Variants in VPS54 observed in about 807,000 individuals in gnomAD.
The protein encoded by VPS54 is VPS54 subunit of GARP complex.
In VPS54, 45 loss-of-function variants were observed where a neutral mutation model predicts 121.5. The observed-to-expected ratio is 0.37, with a 90% CI of 0.29 to 0.47. The LOEUF (loss-of-function observed/expected upper bound fraction) is 0.47, where lower values mean the gene tolerates loss of function less well. VPS54 is among the 20% of genes least tolerant of loss of function. The pLI is 0.99. For synonymous variants in VPS54, 371 were observed against 385.8 expected (o/e 0.96, Z 0.45); for missense variants, 1,090 against 1,131.4 (o/e 0.96, Z 0.52).
At chr2:64,001,628 C>G (rs1677885550) in intron 1 of VPS54, among the ~76,000 whole-genome samples, 1 of 152,086 alleles carries the variant, frequency 6.6e-6, no homozygotes, top group Non-Finnish European at 1.5e-5. Context: ...GCAACAGGTT[C>G]CCTTCTAGCC....
intron 16 of VPS54, among the ~76,000 whole-genome samples, chr2:63,915,335 G>A (rs1024893707): frequency 5.9e-5 from 9 of 152,066 alleles, no homozygotes; most frequent in South Asian, 2.1e-4. Flanking sequence ...TAAGATCTAC[G>A]TAAAATAAGG....
chr2:63,923,150 C>A (rs565603716), intron 12 of VPS54, among the ~76,000 whole-genome samples: 1 of 151,630 alleles, frequency 6.6e-6, no homozygotes, highest in Non-Finnish European at 1.5e-5. Flanking sequence ...CCCGTCTCTA[C>A]TAAAAACGCA....
chr2:64,017,066 GGGCGGT>G (rs202233045), intron 1 of VPS54, among the ~76,000 whole-genome samples: 66 of 148,996 alleles, frequency 4.4e-4, no homozygotes, highest in South Asian at 1.7e-3. Flanking sequence ...GCCGGGGCCG[GGGCGGT>G]GGCTCACACC....
chr2:63,894,636 G>A (rs1003626913), intron 22 of VPS54, among the ~76,000 whole-genome samples: 4 of 151,664 alleles, frequency 2.6e-5, no homozygotes, highest in Admixed American at 2.6e-4. Flanking sequence ...CACGGAGGTT[G>A]AGGCTGCAGT....
chr2:63,923,837 A>C (rs1380973060), intron 12 of VPS54, among the ~76,000 whole-genome samples: 1 of 152,246 alleles, frequency 6.6e-6, no homozygotes, highest in East Asian at 1.9e-4. Context: ...CAAAGTTAGA[A>C]CGTCAGACGT....
intron 1 of VPS54, among the ~76,000 whole-genome samples, chr2:63,990,199 C>T (rs1677249465): frequency 1.3e-5 from 2 of 152,162 alleles, no homozygotes; most frequent in African/African-American, 4.8e-5. Context: ...CCTCTCCCTT[C>T]AGCTACTCCT....
chr2:63,970,689 C>T (rs1292115220), intron 4 of VPS54, among the ~76,000 whole-genome samples: 2 of 152,170 alleles, frequency 1.3e-5, no homozygotes, highest in Non-Finnish European at 2.9e-5. Flanking sequence ...CTAGCTTTAA[C>T]TTTTAAGGTG....
intron 7 of VPS54, among the ~76,000 whole-genome samples, chr2:63,951,970 T>A (rs1022723951): frequency 1.3e-5 from 2 of 152,182 alleles, no homozygotes; most frequent in African/African-American, 4.8e-5. Flanking sequence ...GTCCTTTCCT[T>A]ATTAACTATT....
intron 7 of VPS54, among the ~76,000 whole-genome samples, chr2:63,955,103 T>G (rs746627733): frequency 1.3e-5 from 2 of 152,014 alleles, no homozygotes; most frequent in Non-Finnish European, 2.9e-5. Flanking sequence ...TAATGAAATA[T>G]TTATGAATGA....
chr2:63,912,219 C>G, intron 20 of VPS54, 126 bp downstream of exon 20: 1 of 974,674 alleles, frequency 1.0e-6, no homozygotes. Context: ...TAAAATTCTA[C>G]TAATTGGTAA....
intron 5 of VPS54, among the ~76,000 whole-genome samples, chr2:63,968,564 A>C (rs953413735): frequency 6.6e-6 from 1 of 151,924 alleles, no homozygotes; most frequent in African/African-American, 2.4e-5. Context: ...ATACAAAACA[A>C]AAAAAGTAGC....
chr2:64,013,571 A>T lies in VPS54; in HGVS notation c.-21+5367T>A, dbSNP rs184914030. Among the ~76,000 whole-genome samples the T allele has an allele frequency of 4.8e-3, 706 of 146,946 alleles. 2 individuals are homozygous for T. The highest frequency in any genetic ancestry group is 7.8e-3 in the South Asian group (37 of 4,760). ...GATATATATATATGATATATATATC[A>T]GCATTTATATATAAATATATATCAA... On this transcript the variant is annotated intron_variant, in intron 1 of 22. Transcript: ENST00000272322.
At chr2:64,016,390 A>G (rs961444877) in intron 1 of VPS54, among the ~76,000 whole-genome samples, 1 of 152,206 alleles carries the variant, frequency 6.6e-6, no homozygotes, top group African/African-American at 2.4e-5. Flanking sequence ...AAGCTTTTCA[A>G]GAAGCTATGA....
intron 3 of VPS54, among the ~76,000 whole-genome samples, chr2:63,980,907 T>C (rs1575985395): frequency 6.6e-6 from 1 of 152,168 alleles, no homozygotes; most frequent in East Asian, 1.9e-4. Context: ...AAATAAAATA[T>C]ATAGGTTCTG....
intron 1 of VPS54, among the ~76,000 whole-genome samples, chr2:63,985,094 C>T (rs572832758): frequency 4.6e-5 from 7 of 152,234 alleles, no homozygotes; most frequent in Non-Finnish European, 8.8e-5. Flanking sequence ...CCAAAGCAGG[C>T]GGATTACTTG....
In VPS54 at chr2:63,962,446, TAA is replaced by T. The variant is rs896384005; in HGVS notation, c.625-5_625-4del. On this transcript the variant is annotated splice_region_variant and splice_polypyrimidine_tract_variant and intron_variant, in intron 6 of 22. Coordinates refer to ENST00000272322, the MANE Select transcript of VPS54 (RefSeq NM_016516.3). ...ACAATATCCAGATAATGGCTCAGCT[TAA>T]AAGAGAAGGAAAAAAAATATGAAGT... The T allele has an allele frequency of 1.9e-6, 3 of 1,597,492 alleles. No individual in the cohort carries two copies. The African/African-American group carries it at 4.0e-5, about 22-fold the overall frequency.
intron 1 of VPS54, among the ~76,000 whole-genome samples, chr2:64,014,515 T>C (rs1678589298): frequency 6.6e-6 from 1 of 152,068 alleles, no homozygotes; most frequent in Admixed American, 6.6e-5. Flanking sequence ...TATTAAGGAG[T>C]TTCAGATTAT....
chr2:64,006,123 T>C (rs1017152540), intron 1 of VPS54, among the ~76,000 whole-genome samples: 13 of 151,912 alleles, frequency 8.6e-5, no homozygotes. Flanking sequence ...TACTTACTTA[T>C]ATTTGTTTCA....
At chr2:63,913,354 T>TG (rs1351511390) in intron 17 of VPS54, 44 bp from the exon 18 acceptor site, 3 of 1,453,638 alleles carry the variant, frequency 2.1e-6, no homozygotes, top group Non-Finnish European at 2.9e-6. Flanking sequence ...TACTAAAAAC[T>TG]GTTCTTTATA....
Sources: gnomAD v4.1 joint callset for allele counts (sites outside exome capture counted in the v4.1 genomes callset) on GRCh38, gnomAD v4.1.1 for gene constraint, MANE v1.5 for transcripts, NCBI Gene and HGNC (gene_info 2026-07-23, HGNC 2026-07-21) for gene names.